Variants in MTMR10 observed in about 807,000 individuals in gnomAD.
MTMR10 encodes the protein myotubularin-related protein 10.
A neutral mutation model predicts 88.1 loss-of-function variants in MTMR10; 56 were observed. The observed-to-expected ratio is 0.64, with a 90% CI of 0.51 to 0.79. MTMR10 has a LOEUF of 0.79. Among genes scored for constraint, MTMR10 ranks in the 30% least tolerant of loss-of-function variants. The pLI, the probability that MTMR10 is intolerant of heterozygous loss-of-function variation, is 0.00. For missense variants in MTMR10, 883 were observed against 924.7 expected (o/e 0.95, Z 0.58); for synonymous variants, 380 against 340.9 (o/e 1.11, Z -1.26).
chr15:30,920,678 C>T, the MTMR10 span: 2 of 1,351,556 alleles, frequency 1.5e-6, no homozygotes, highest in Non-Finnish European at 2.1e-6. Flanking sequence ...CCCTGCCCCC[C>T]ACCATTACTG....
chr15:30,926,911 A>G, the MTMR10 span: 7 of 985,440 alleles, frequency 7.1e-6, no homozygotes, highest in Non-Finnish European at 8.4e-6. Context: ...TGCCACAGGG[A>G]ATTTTGTGTC....
chr15:30,931,713 TCAA>T, the MTMR10 span, among the ~76,000 whole-genome samples: 126 of 152,322 alleles, frequency 8.3e-4, no homozygotes, highest in African/African-American at 3.0e-3. Context: ...TGTATCTTTG[TCAA>T]AAATCAGTAA....
chr15:30,957,989 G>A (rs1205820636), intron 9 of MTMR10, among the ~76,000 whole-genome samples: 2 of 152,188 alleles, frequency 1.3e-5, no homozygotes, highest in African/African-American at 4.8e-5. Context: ...GATTGGTGAT[G>A]GGGAAGGGAA....
At chr15:30,928,781 C>A in the MTMR10 span, 5 of 1,522,380 alleles carry the variant, frequency 3.3e-6, no homozygotes, top group African/African-American at 7.0e-5. Flanking sequence ...GGGTCATCCA[C>A]AGGTCAAGAT....
At chr15:30,963,809 T>C (rs1566957472) in intron 6 of MTMR10, among the ~76,000 whole-genome samples, 1 of 152,114 alleles carries the variant, frequency 6.6e-6, no homozygotes, top group Non-Finnish European at 1.5e-5. Context: ...TTATGATCTC[T>C]CCAGAACACA....
intron 2 of MTMR10, among the ~76,000 whole-genome samples, chr15:30,983,628 A>G (rs1314927645): frequency 6.6e-6 from 1 of 152,214 alleles, no homozygotes; most frequent in Admixed American, 6.5e-5. Context: ...TGGGATGTGT[A>G]GAGGCCAAAA....
chr15:30,945,239 G>T (rs185417922), intron 14 of MTMR10, among the ~76,000 whole-genome samples: 1 of 152,170 alleles, frequency 6.6e-6, no homozygotes, highest in East Asian at 1.9e-4. Flanking sequence ...GGGAGGAAGG[G>T]AGAGGGGGAT....
chr15:30,954,810 T>C lies in MTMR10; in HGVS notation c.1019A>G (p.Gln340Arg). The change falls in exon 10 of 16, where the codon CAA becomes CGA. Residue 340 changes from glutamine (Q) to arginine (R), a missense_variant. Physicochemically the swap from Gln to Arg is conservative, Grantham distance 43 (BLOSUM62 1). Transcript: ENST00000435680. Reference protein sequence around the residue: ...SDLDKTLPNIQEVQAAFVKLK... With the variant: ...SDLDKTLPNIREVQAAFVKLK... ...TTTTACAAATGCTGCCTGTACTTCTTGAATATTAGGCAAGGTCTTATCCAA... is the reference window on the plus strand; with the variant it reads ...TTTTACAAATGCTGCCTGTACTTCTCGAATATTAGGCAAGGTCTTATCCAA... 1 of 1,601,578 alleles carries C rather than the reference T, an allele frequency of 6.2e-7. No homozygotes were observed. The highest frequency in any genetic ancestry group is 1.7e-4 in the Middle Eastern group (1 of 6,040).
chr15:30,971,857 T>C (rs2063542069), intron 5 of MTMR10, among the ~76,000 whole-genome samples: 2 of 152,158 alleles, frequency 1.3e-5, no homozygotes, highest in African/African-American at 4.8e-5. Context: ...TATCACTATT[T>C]TCCTGTGACA....
intron 9 of MTMR10, among the ~76,000 whole-genome samples, chr15:30,955,435 TA>T (rs1365330131): frequency 2.0e-5 from 3 of 152,134 alleles, no homozygotes; most frequent in Admixed American, 1.3e-4. Flanking sequence ...CACACCTGGC[TA>T]AATTTCTGTA....
At chr15:30,976,738 A>AT (rs2030181116) in intron 3 of MTMR10, 81 bp downstream of exon 3, 2 of 1,434,024 alleles carry the variant, frequency 1.4e-6, no homozygotes, top group Non-Finnish European at 9.4e-7. Flanking sequence ...TAACTTTTCC[A>AT]TACCTATGTT....
At chr15:30,977,961 G>A (rs1595943042) in intron 2 of MTMR10, among the ~76,000 whole-genome samples, 1 of 152,212 alleles carries the variant, frequency 6.6e-6, no homozygotes, top group African/African-American at 2.4e-5. Flanking sequence ...AACAGCTTGA[G>A]TTAACTTCCA....
chr15:30,947,866 T>A (rs997002454), intron 13 of MTMR10, among the ~76,000 whole-genome samples: 3 of 152,336 alleles, frequency 2.0e-5, no homozygotes, highest in Admixed American at 2.0e-4. Flanking sequence ...GGTAAGATAT[T>A]TGTAAGGCCT....
the MTMR10 span, chr15:30,928,188 C>T: frequency 2.0e-6 from 2 of 1,020,626 alleles, no homozygotes; most frequent in South Asian, 3.8e-5. Context: ...CTGTGCCAGC[C>T]CAGCCCTGCT....
At chr15:30,987,853 T>A (rs2031045960) in intron 2 of MTMR10, among the ~76,000 whole-genome samples, 1 of 151,884 alleles carries the variant, frequency 6.6e-6, no homozygotes, top group Admixed American at 6.6e-5. Flanking sequence ...CCTAATGCTC[T>A]CCCTTCCCTC....
the MTMR10 span, among the ~76,000 whole-genome samples, chr15:30,929,805 A>ATGT: frequency 1.4e-5 from 1 of 72,406 alleles, no homozygotes; most frequent in African/African-American, 7.3e-5. Context: ...ATAATATATA[A>ATGT]AATATATAAT....
At position 30,940,719 on chromosome 15, in the gene MTMR10, G is replaced by GTA; in HGVS notation, c.*749_*750dup. ...TGGGGACTCCTGGCTATGAAGCTTAGTATGAAAAGCCTATTTCAAATATGC... is the reference window on the plus strand; with the variant it reads ...TGGGGACTCCTGGCTATGAAGCTTAGTATATGAAAAGCCTATTTCAAATATGC... On this transcript the variant is annotated 3_prime_UTR_variant, in exon 16 of 16. Transcript: ENST00000435680. 1 of 989,090 alleles carries GTA rather than the reference G, an allele frequency of 1.0e-6. No homozygotes were observed. Among genetic ancestry groups the GTA allele is most frequent in the Non-Finnish European group, 1.2e-6 (1 of 832,568 alleles). 61.3% of individuals were successfully genotyped at this position (989,090 alleles called of 1,614,324 possible). A position where few individuals can be genotyped will look rare whatever the true frequency, so the allele number is the denominator to read the frequency against.
downstream of MTMR10, chr15:30,936,973 C>G (rs964307527): frequency 1.5e-6 from 1 of 658,590 alleles, no homozygotes; most frequent in Admixed American, 3.0e-5. Context: ...AAGTGAAGGA[C>G]CATCCGTATA....
rs201382319 is a variant in MTMR10, at chr15:30,939,665, C to T, written c.*1805G>A. 5.6e-5 allele frequency: 24 copies of T among 428,078 alleles called. No homozygotes were observed. Among genetic ancestry groups the T allele is most frequent in the African/African-American group, 8.8e-5 (3 of 33,930 alleles). The allele number at this position is 428,078 out of a possible 1,614,324, so 26.5% of individuals were successfully genotyped here. ...AAAATACTACAAGAGTTAAAATAAACGTGAAGGAAGAAAATTACAGAGGGA... is the reference window on the plus strand; with the variant it reads ...AAAATACTACAAGAGTTAAAATAAATGTGAAGGAAGAAAATTACAGAGGGA... On this transcript the variant is annotated 3_prime_UTR_variant, in exon 16 of 16. Coordinates refer to ENST00000435680, the MANE Select transcript of MTMR10 (RefSeq NM_017762.3).
Sources: allele counts gnomAD v4.1 joint callset (sites outside exome capture counted in the v4.1 genomes callset), GRCh38; gene constraint gnomAD v4.1.1; transcripts MANE v1.5; gene names NCBI Gene and HGNC (gene_info 2026-07-23, HGNC 2026-07-21).